Variants in BMPR1B observed in about 807,000 individuals in gnomAD.
BMPR1B encodes the protein bone morphogenetic protein receptor type-1B.
BMPR1B carries 12 observed loss-of-function variants against 59.1 expected under a neutral mutation model. The observed-to-expected ratio is 0.20, with a 90% CI of 0.13 to 0.33. BMPR1B has a LOEUF of 0.33. Ranked by LOEUF, BMPR1B falls within the 10% of genes least tolerant of loss-of-function variation. The pLI is 1.00. For missense variants in BMPR1B, 550 were observed against 610.9 expected (o/e 0.90, Z 1.05); for synonymous variants, 237 against 207.3 (o/e 1.14, Z -1.23).
In BMPR1B at chr4:94,933,031, A is replaced by G. The variant is rs568411245; in HGVS notation, c.-113+57131A>G. ...GTGTTTTGTTCCACTACCCAAAGAT[A>G]ACCTCTGTCAGCATCTGGTGTATCT... is the stretch of plus-strand genomic sequence containing the variant. On this transcript the variant is annotated intron_variant, in intron 2 of 12. Coordinates refer to ENST00000515059, the MANE Select transcript of BMPR1B (RefSeq NM_001203.3). Among the ~76,000 whole-genome samples the G allele has an allele frequency of 4.6e-5, 7 of 152,276 alleles. No individual in the cohort carries two copies. In the South Asian group the frequency reaches 1.4e-3, roughly 32 times the overall value.
intron 3 of BMPR1B, among the ~76,000 whole-genome samples, chr4:95,092,179 G>A (rs1379710053): frequency 2.0e-5 from 3 of 152,036 alleles, no homozygotes; most frequent in Non-Finnish European, 4.4e-5. Context: ...TCAAATGAAT[G>A]TTTCAAAAAT....
At chr4:94,956,464 A>AAGTT (rs1250894383) in intron 2 of BMPR1B, among the ~76,000 whole-genome samples, 1 of 152,136 alleles carries the variant, frequency 6.6e-6, no homozygotes, top group Non-Finnish European at 1.5e-5. Flanking sequence ...AGCTTATTTT[A>AAGTT]ACCTTCTTTT....
intron 3 of BMPR1B, among the ~76,000 whole-genome samples, chr4:95,011,576 C>T (rs1723232247): frequency 1.3e-5 from 2 of 152,136 alleles, no homozygotes; most frequent in Non-Finnish European, 2.9e-5. Context: ...CATATACCTC[C>T]TAGGCAAGTA....
At chr4:95,109,800 G>C (rs1330602351) in intron 4 of BMPR1B, among the ~76,000 whole-genome samples, 1 of 151,304 alleles carries the variant, frequency 6.6e-6, no homozygotes, top group Non-Finnish European at 1.5e-5. Flanking sequence ...ATGTTGGTGT[G>C]CTGCACCCAT....
intron 1 of BMPR1B, among the ~76,000 whole-genome samples, chr4:94,871,670 A>G (rs567172886): frequency 7.2e-4 from 109 of 152,350 alleles, no homozygotes; most frequent in African/African-American, 2.4e-3. Context: ...AAGATCTTCA[A>G]TATTCCATTA....
intron 1 of BMPR1B, among the ~76,000 whole-genome samples, chr4:94,758,382 G>C (rs1721612656): frequency 6.6e-6 from 1 of 151,824 alleles, no homozygotes; most frequent in Non-Finnish European, 1.5e-5. Flanking sequence ...GCGAGGAGTC[G>C]GGGCAGCGGC....
rs1188259155 is a variant in BMPR1B at position 94,962,116 on chromosome 4, CTTCCTTCT to C, written c.-112-33916_-112-33909del. On this transcript the variant is annotated intron_variant, in intron 2 of 12. Coordinates refer to ENST00000515059, the MANE Select transcript of BMPR1B (RefSeq NM_001203.3). ...CCTTCCTTCCTTCCTTCCTTCCTTC[CTTCCTTCT>C]TTCCTTCCTTCCTTCCTTTCTTTTT... 2.5e-3 allele frequency among the ~76,000 whole-genome samples: 273 copies of C among 108,336 alleles called. 1 individual carries two copies. The highest frequency in any genetic ancestry group is 5.2e-3 in the Admixed American group (57 of 10,860). 71.1% of individuals were successfully genotyped at this position (108,336 alleles called of 152,430 possible).
At chr4:94,823,822 A>C (rs1453922976) in intron 1 of BMPR1B, among the ~76,000 whole-genome samples, 2 of 151,742 alleles carry the variant, frequency 1.3e-5, no homozygotes, top group African/African-American at 4.8e-5. Flanking sequence ...ATTTTGGCTC[A>C]CTGCAAGCTC....
intron 2 of BMPR1B, among the ~76,000 whole-genome samples, chr4:94,917,293 C>T (rs971959012): frequency 2.0e-5 from 3 of 152,196 alleles, no homozygotes; most frequent in Non-Finnish European, 2.9e-5. Flanking sequence ...CTCCTCCAGA[C>T]CACAGAATGG....
chr4:95,088,153 A>G (rs920276022), intron 3 of BMPR1B, among the ~76,000 whole-genome samples: 20 of 152,156 alleles, frequency 1.3e-4, no homozygotes, highest in East Asian at 1.9e-4. Flanking sequence ...CTTGCAATCT[A>G]TTTAATTGAG....
chr4:94,781,730 A>G (rs577617937), intron 1 of BMPR1B, among the ~76,000 whole-genome samples: 1 of 152,234 alleles, frequency 6.6e-6, no homozygotes, highest in Non-Finnish European at 1.5e-5. Flanking sequence ...ATTTATACCT[A>G]TATTTTCACC....
At chr4:95,011,397 TC>T (rs1311517617) in intron 3 of BMPR1B, among the ~76,000 whole-genome samples, 1 of 152,168 alleles carries the variant, frequency 6.6e-6, no homozygotes, top group Non-Finnish European at 1.5e-5. Context: ...ATGAGACTGT[TC>T]CACAGAGCTC....
At chr4:95,057,895 G>T (rs937290963) in intron 3 of BMPR1B, among the ~76,000 whole-genome samples, 2 of 152,134 alleles carry the variant, frequency 1.3e-5, no homozygotes, top group African/African-American at 4.8e-5. Flanking sequence ...TTCAGCAAAT[G>T]TTACTACCGA....
At chr4:95,147,133 A>G (rs1267329416) in intron 10 of BMPR1B, among the ~76,000 whole-genome samples, 1 of 152,112 alleles carries the variant, frequency 6.6e-6, no homozygotes, top group Non-Finnish European at 1.5e-5. Flanking sequence ...GCTAGTTATT[A>G]TTGCACCTAG....
At chr4:94,927,628 A>G (rs532389050) in intron 2 of BMPR1B, among the ~76,000 whole-genome samples, 1 of 152,140 alleles carries the variant, frequency 6.6e-6, no homozygotes, top group East Asian at 1.9e-4. Context: ...CAGTTCCAGG[A>G]TAGCAAGCCT....
intron 1 of BMPR1B, among the ~76,000 whole-genome samples, chr4:94,812,349 G>A (rs984142649): frequency 1.3e-5 from 2 of 152,156 alleles, no homozygotes; most frequent in African/African-American, 4.8e-5. Context: ...AATGGAAAGG[G>A]GTTAGAGTAT....
At chr4:94,829,082 A>C (rs1358048836) in intron 1 of BMPR1B, among the ~76,000 whole-genome samples, 1 of 152,050 alleles carries the variant, frequency 6.6e-6, no homozygotes, top group Non-Finnish European at 1.5e-5. Context: ...ATGATTTAGT[A>C]AAAGTAGAGC....
chr4:94,807,411 T>TG (rs1723644481), intron 1 of BMPR1B, among the ~76,000 whole-genome samples: 1 of 152,158 alleles, frequency 6.6e-6, no homozygotes, highest in African/African-American at 2.4e-5. Flanking sequence ...AATTCTTGAA[T>TG]GAAAAAACTG....
At chr4:94,847,395 A>G (rs1039185590) in intron 1 of BMPR1B, among the ~76,000 whole-genome samples, 16 of 152,176 alleles carry the variant, frequency 1.1e-4, no homozygotes. Context: ...ACAAAAGTAA[A>G]AACAGGACTA....
Sources: allele counts gnomAD v4.1 joint callset (sites outside exome capture counted in the v4.1 genomes callset), GRCh38; gene constraint gnomAD v4.1.1; transcripts MANE v1.5; gene names NCBI Gene and HGNC (gene_info 2026-07-23, HGNC 2026-07-21).